ZGPAT: variants seen among roughly 807,000 people sequenced by gnomAD.
The protein encoded by ZGPAT is zinc finger CCCH-type and G-patch domain containing, also known as zinc finger CCCH-type with G patch domain-containing protein.
Under a neutral mutation model 47.9 loss-of-function variants are expected in ZGPAT, and 39 were observed. The observed-to-expected ratio is 0.81, with a 90% CI of 0.63 to 1.06. The LOEUF (loss-of-function observed/expected upper bound fraction) is 1.06. ZGPAT is among the 50% of genes least tolerant of loss of function. The pLI, the probability that ZGPAT is intolerant of heterozygous loss-of-function variation, is 0.00. For missense variants in ZGPAT, 717 were observed against 681.4 expected, an observed-to-expected ratio of 1.05 and a Z score of -0.58; for synonymous variants, 348 against 292.9, an observed-to-expected ratio of 1.19 and a Z score of -1.92.
intron 2 of ZGPAT, among the ~76,000 whole-genome samples, chr20:63,712,024 A>C (rs1422446583): frequency 6.6e-6 from 1 of 152,170 alleles, no homozygotes; most frequent in Non-Finnish European, 1.5e-5. Flanking sequence ...GATGCAGTGC[A>C]ATTTATTGTT....
At chr20:63,727,869 A>AT (rs945644948) in intron 2 of ZGPAT, among the ~76,000 whole-genome samples, 18 of 151,310 alleles carry the variant, frequency 1.2e-4, no homozygotes, top group Non-Finnish European at 1.0e-4. Context: ...CTGTCTTATA[A>AT]TTTTTTTTGT....
chr20:63,733,855 C>T, intron 4 of ZGPAT, 116 bp downstream of exon 4: 15 of 1,396,838 alleles, frequency 1.1e-5, no homozygotes, highest in Non-Finnish European at 1.4e-5. Context: ...GTGACTGCGG[C>T]GAGGGTGCCA....
intron 2 of ZGPAT, among the ~76,000 whole-genome samples, chr20:63,729,231 C>T (rs1326787697): frequency 2.0e-5 from 3 of 152,040 alleles, no homozygotes; most frequent in South Asian, 2.1e-4. Context: ...GGTTTCACCA[C>T]GTTGGCCAGG....
At chr20:63,725,243 C>G (rs532538099) in intron 2 of ZGPAT, among the ~76,000 whole-genome samples, 3 of 152,344 alleles carry the variant, frequency 2.0e-5, no homozygotes, top group Non-Finnish European at 4.4e-5. Context: ...CTTGGCCTCC[C>G]AAAGTGCTGG....
chr20:63,708,948 G>T lies in ZGPAT; in HGVS notation c.368G>T (p.Gly123Val). The change falls in exon 2 of 7, where the codon GGA becomes GTA. Residue 123 changes from glycine to valine, a missense_variant. Transcript: ENST00000355969. ...GCAGGTGGGCAGGAGGAGGAAGAGGGAGAGGACGAGGAAGAGCTGAGTGGG... is the reference window on the plus strand; with the variant it reads ...GCAGGTGGGCAGGAGGAGGAAGAGGTAGAGGACGAGGAAGAGCTGAGTGGG... ...SAAGGQEEEE[G>V]EDEEELSGTK... 6.2e-7 allele frequency: 1 copy of T among 1,613,286 alleles called. No homozygotes were observed. Among genetic ancestry groups the T allele is most frequent in the South Asian group, 1.1e-5 (1 of 91,082 alleles).
At chr20:63,709,985 C>G (rs779094472) in intron 2 of ZGPAT, among the ~76,000 whole-genome samples, 5 of 151,968 alleles carry the variant, frequency 3.3e-5, no homozygotes, top group Non-Finnish European at 7.4e-5. Flanking sequence ...CTCAGCCTCC[C>G]GAGTAGCTGG....
At position 63,733,364 on chromosome 20, in the gene ZGPAT, C is replaced by T. The variant is rs752827934; in HGVS notation, c.718+12C>T. On this transcript the variant is annotated intron_variant, in intron 3 of 6. Coordinates refer to ENST00000355969, the MANE Select transcript of ZGPAT (RefSeq NM_181485.3). ...AGCACGCATCACCGGTGAGGCTGGC[C>T]GTGGGGGCCTCCCGGGAACACCCTC... 25 of 1,607,964 alleles carry T rather than the reference C, an allele frequency of 1.6e-5. No individual in the cohort carries two copies. Among genetic ancestry groups the T allele is most frequent in the South Asian group, 7.7e-5 (7 of 90,904 alleles).
intron 2 of ZGPAT, among the ~76,000 whole-genome samples, chr20:63,723,435 C>T (rs538873612): frequency 1.7e-4 from 25 of 149,402 alleles, no homozygotes; most frequent in African/African-American, 5.9e-4. Flanking sequence ...CTCCATCCTC[C>T]CTTCTCCTCT....
intron 2 of ZGPAT, among the ~76,000 whole-genome samples, chr20:63,720,015 T>C (rs1368122398): frequency 6.6e-6 from 1 of 152,154 alleles, no homozygotes; most frequent in Non-Finnish European, 1.5e-5. Flanking sequence ...ATGCTGGGAT[T>C]ACAGATGTGA....
intron 2 of ZGPAT, among the ~76,000 whole-genome samples, chr20:63,732,278 TGG>T (rs2091914390): frequency 8.3e-6 from 1 of 120,384 alleles, no homozygotes; most frequent in Non-Finnish European, 1.7e-5. Context: ...CGCATGTGTG[TGG>T]GTGAGGGCGT....
At chr20:63,728,860 C>G (rs1482785204) in intron 2 of ZGPAT, among the ~76,000 whole-genome samples, 1 of 152,122 alleles carries the variant, frequency 6.6e-6, no homozygotes, top group Non-Finnish European at 1.5e-5. Flanking sequence ...CAGGGGCAGC[C>G]CCAGGTGCAA....
chr20:63,715,226 C>T (rs2091714236), intron 2 of ZGPAT, among the ~76,000 whole-genome samples: 1 of 151,146 alleles, frequency 6.6e-6, no homozygotes, highest in African/African-American at 2.4e-5. Flanking sequence ...GCCACTTGGC[C>T]CTATCTTTTT....
At chr20:63,732,026 GACT>G (rs762780206) in intron 2 of ZGPAT, among the ~76,000 whole-genome samples, 5 of 152,338 alleles carry the variant, frequency 3.3e-5, no homozygotes, top group East Asian at 1.9e-4. Context: ...GATACCAAGA[GACT>G]ACGTGTGTAT....
chr20:63,724,442 G>C (rs2091822642), intron 2 of ZGPAT, among the ~76,000 whole-genome samples: 1 of 151,888 alleles, frequency 6.6e-6, no homozygotes, highest in Non-Finnish European at 1.5e-5. Context: ...AAAGCCTTGG[G>C]AGGCCAAGGC....
At position 63,733,254 on chromosome 20, in the gene ZGPAT, T is replaced by G; in HGVS notation, c.620T>G (p.Leu207Arg). The change falls in exon 3 of 7, where the codon CTG (leucine) becomes CGG (arginine). Residue 207 changes from leucine to arginine, a missense_variant. Transcript: ENST00000355969. Reference sequence around the variant, plus strand: ...GGGCAGGTGGTCTCTCTGGATGAGCTGCGCCCCTTCCAGGACCCAGACCTG... The same window carrying G: ...GGGCAGGTGGTCTCTCTGGATGAGCGGCGCCCCTTCCAGGACCCAGACCTG... ...SHGQVVSLDELRPFQDPDLSS... is the reference protein window; with the variant it reads ...SHGQVVSLDERRPFQDPDLSS... 1 of 1,613,842 alleles carries G rather than the reference T, an allele frequency of 6.2e-7. No homozygotes were observed. Among genetic ancestry groups the G allele is most frequent in the Non-Finnish European group, 8.5e-7 (1 of 1,179,936 alleles).
At chr20:63,710,688 A>G (rs975595161) in intron 2 of ZGPAT, among the ~76,000 whole-genome samples, 18 of 152,144 alleles carry the variant, frequency 1.2e-4, no homozygotes, top group Non-Finnish European at 2.6e-4. Context: ...CCAATTATGA[A>G]TACTTCATAG....
chr20:63,723,230 T>C, intron 2 of ZGPAT, among the ~76,000 whole-genome samples: 1 of 144,526 alleles, frequency 6.9e-6, no homozygotes, highest in Non-Finnish European at 1.5e-5. Flanking sequence ...GTGTCATAGC[T>C]CCATCCTCCC....
At chr20:63,734,149 A>G in intron 4 of ZGPAT, 1 of 275,108 alleles carries the variant, frequency 3.6e-6, no homozygotes, top group Non-Finnish European at 7.0e-6. Context: ...CCAGCATGGA[A>G]GTTTCGGGAA....
At chr20:63,733,543 C>T (rs752739664) in intron 3 of ZGPAT, 44 bp from the exon 4 acceptor site, 2 of 1,613,910 alleles carry the variant, frequency 1.2e-6, no homozygotes, top group Non-Finnish European at 1.7e-6. Flanking sequence ...TTCAGTGGCA[C>T]CTGCTGTCAA....
Sources: allele counts gnomAD v4.1 joint callset (sites outside exome capture counted in the v4.1 genomes callset), GRCh38; gene constraint gnomAD v4.1.1; transcripts MANE v1.5; gene names NCBI Gene and HGNC (gene_info 2026-07-23, HGNC 2026-07-21).